The following MFSD12 variants were observed in gnomAD, a reference collection of about 807,000 sequenced individuals.
The protein encoded by MFSD12 is major facilitator superfamily domain-containing protein 12.
MFSD12 carries 67 observed loss-of-function variants against 51.2 expected under a neutral mutation model. The ratio of observed to expected loss-of-function variants is 1.31; its 90% CI spans 1.08 to 1.60. MFSD12 has a LOEUF of 1.60. Among genes scored for constraint, MFSD12 ranks in the 40% most tolerant of loss-of-function variants. The probability of loss-of-function intolerance (pLI) is 0.00; values close to 1 mark genes in which losing one functional copy is unlikely to be tolerated. For missense variants in MFSD12, 921 were observed against 673.0 expected, an observed-to-expected ratio of 1.37 and a Z score of -4.08; for synonymous variants, 441 against 316.7, an observed-to-expected ratio of 1.39 and a Z score of -4.17.
chr19:3,543,672 A>C, downstream of MFSD12: 2 of 1,538,452 alleles, frequency 1.3e-6, no homozygotes, highest in Non-Finnish European at 8.8e-7. Context: ...ATCCGGGGCA[A>C]GGAATACGGT....
rs1293915494 is a variant in MFSD12 at position 3,548,262 on chromosome 19, G to A, written c.515C>T (p.Ala172Val). The A allele has an allele frequency of 3.9e-6, 6 of 1,548,482 alleles. No individual in the cohort carries two copies. Among genetic ancestry groups the A allele is most frequent in the South Asian group, 2.4e-5 (2 of 84,206 alleles). Residue 172 changes from alanine to valine, a missense_variant, in exon 3 of 10, where the codon GCG (alanine) becomes GTG (valine). Transcript: ENST00000355415. ...GGTGATGTTGGCCACCACGGTGAAC[G>A]CATACCTGGCGGGCAGGCGGGCAGG... Reference protein sequence around the residue: ...EKVELTALRYAFTVVANITVY... With the variant: ...EKVELTALRYVFTVVANITVY...
intron 2 of MFSD12, among the ~76,000 whole-genome samples, chr19:3,549,231 G>C (rs1383413873): frequency 6.6e-6 from 1 of 152,186 alleles, no homozygotes; most frequent in Non-Finnish European, 1.5e-5. Context: ...GCTGTACCCA[G>C]GTGTAATAGA....
chr19:3,547,629 G>T, intron 4 of MFSD12, 82 bp from the exon 5 acceptor site: 1 of 1,343,516 alleles, frequency 7.4e-7, no homozygotes. Flanking sequence ...CGGGGCCAGG[G>T]TGGGCGCCCT....
chr19:3,546,457 C>A, intron 6 of MFSD12, 32 bp from the exon 7 acceptor site: 2 of 1,576,702 alleles, frequency 1.3e-6, no homozygotes, highest in South Asian at 1.2e-5. Context: ...CAGGCCCACA[C>A]CACTGGGTGC....
At position 3,553,096 on chromosome 19, in the gene MFSD12, G is replaced by A. The variant is rs550458729; in HGVS notation, c.299-1902C>T. Among the ~76,000 whole-genome samples the A allele has an allele frequency of 5.9e-5, 9 of 152,272 alleles. No individual in the cohort carries two copies. The East Asian group carries it at 1.7e-3, about 29-fold the overall frequency. ...ACCAGCCTCTCCTGCTGGTTTCTCT[G>A]GAACTAGGGCCTGGGAGGGTTTGCG... On this transcript the variant is annotated intron_variant, in intron 1 of 9. Coordinates refer to ENST00000355415, the MANE Select transcript of MFSD12 (RefSeq NM_174983.5).
downstream of MFSD12, chr19:3,542,962 C>G (rs770942219): frequency 6.5e-7 from 1 of 1,531,816 alleles, no homozygotes; most frequent in South Asian, 1.1e-5. Flanking sequence ...CCTCCCTCTT[C>G]TCCAGGCAAG....
intron 1 of MFSD12, among the ~76,000 whole-genome samples, chr19:3,552,258 C>T (rs1260134121): frequency 6.6e-6 from 1 of 151,840 alleles, no homozygotes; most frequent in Admixed American, 6.6e-5. Flanking sequence ...ACCTCCGCCC[C>T]CTGGATTCAA....
intron 1 of MFSD12, among the ~76,000 whole-genome samples, chr19:3,552,687 G>T (rs553686676): frequency 6.6e-6 from 1 of 151,840 alleles, no homozygotes; most frequent in Non-Finnish European, 1.5e-5. Context: ...GTTTCACCAC[G>T]TTGGCCAGGC....
chr19:3,544,762 A>G, intron 9 of MFSD12, 30 bp from the exon 10 acceptor site: 11 of 1,208,840 alleles, frequency 9.1e-6, no homozygotes, highest in East Asian at 7.8e-5. Flanking sequence ...ATGGCATTAG[A>G]GAGTGTGGGT....
chr19:3,544,430 C>A lies in MFSD12; in HGVS notation c.*280G>T. ...CCCCCAGACCCTTCTGGGATTCCTACTTCCTGTTCCCTGCCGAGAGGGGCA... is the reference window on the plus strand; with the variant it reads ...CCCCCAGACCCTTCTGGGATTCCTAATTCCTGTTCCCTGCCGAGAGGGGCA... On this transcript the variant is annotated 3_prime_UTR_variant, in exon 10 of 10. Transcript: ENST00000355415. The A allele has an allele frequency of 2.3e-6, 3 of 1,331,790 alleles. No individual in the cohort carries two copies. Among genetic ancestry groups the A allele is most frequent in the Non-Finnish European group, 2.9e-6 (3 of 1,043,214 alleles). 82.5% of individuals were successfully genotyped at this position (1,331,790 alleles called of 1,614,324 possible).
Position 3,546,148 on chromosome 19 carries a change from G to T in MFSD12, c.1215C>A (p.Tyr405Ter). 1 of 1,613,150 alleles carries T rather than the reference G, an allele frequency of 6.2e-7. No individual in the cohort carries two copies. Among genetic ancestry groups the T allele is most frequent in the East Asian group, 2.2e-5 (1 of 44,886 alleles). Residue 405 changes from tyrosine to a stop codon, truncating the protein, a stop_gained, in exon 8 of 10, where the codon TAC becomes TAA. Transcript: ENST00000355415. LOFTEE classifies it high-confidence loss of function. ...CCTTATCCAAGAAGCTCATGGAGCC[G>T]TACACGAACGCTCCGCTGTTCTGTG... is the stretch of plus-strand genomic sequence containing the variant. ...GPHTNSGAFV[Y>*]GSMSFLDKVA...
chr19:3,545,572 G>A (rs190951735), intron 8 of MFSD12, among the ~76,000 whole-genome samples: 47 of 152,322 alleles, frequency 3.1e-4, no homozygotes, highest in Non-Finnish European at 2.9e-5. Context: ...AGCCCTCCCT[G>A]GCTTCCTGCC....
chr19:3,548,117 G>A lies in MFSD12; in HGVS notation c.654+6C>T. The stretch of plus-strand genomic sequence containing the variant: ...CTTCAGGCGACCCACCCGGACTCCA[G>A]CTCACCCGGAACACGGGCACGTCCT... On this transcript the variant is annotated splice_donor_region_variant and intron_variant, in intron 3 of 9. Coordinates refer to ENST00000355415, the MANE Select transcript of MFSD12 (RefSeq NM_174983.5). The A allele has an allele frequency of 6.2e-7, 1 of 1,605,920 alleles. No homozygotes were observed. Among genetic ancestry groups the A allele is most frequent in the Non-Finnish European group, 8.5e-7 (1 of 1,178,938 alleles).
intron 4 of MFSD12, 120 bp from the exon 5 acceptor site, chr19:3,547,667 G>A (rs2031186484): frequency 9.4e-6 from 11 of 1,175,168 alleles, no homozygotes; most frequent in Non-Finnish European, 1.3e-5. Flanking sequence ...CATTGGTAGT[G>A]ACTGCCCAGT....
chr19:3,543,445 C>T, downstream of MFSD12: 1 of 1,544,426 alleles, frequency 6.5e-7, no homozygotes, highest in Non-Finnish European at 8.7e-7. Flanking sequence ...ACAGCTGCTA[C>T]CAACACCGTG....
chr19:3,553,870 T>TC (rs1201865340), intron 1 of MFSD12, among the ~76,000 whole-genome samples: 1 of 149,498 alleles, frequency 6.7e-6, no homozygotes, highest in Non-Finnish European at 1.5e-5. Flanking sequence ...TCACCTGAGG[T>TC]CAGGAGTTCG....
At chr19:3,542,959 C>T (rs1319011378), downstream of MFSD12, 1 of 1,525,044 alleles carries the variant, frequency 6.6e-7, no homozygotes, top group African/African-American at 1.4e-5. Flanking sequence ...TCCCCTCCCT[C>T]TTCTCCAGGC....
intron 2 of MFSD12, among the ~76,000 whole-genome samples, chr19:3,549,818 G>A (rs961431917): frequency 2.6e-5 from 4 of 151,614 alleles, no homozygotes; most frequent in Non-Finnish European, 4.4e-5. Context: ...GAGGTCAGGC[G>A]TTCAAGACCA....
rs146449422 is a variant in MFSD12 at position 3,550,942 on chromosome 19, G to C, written c.509+42C>G. Reference sequence around the variant, plus strand: ...GTGCCACTGACTGATACACCGAGCCGGGGCCCACCCTGCCCGTGGGGGAGG... The same window carrying C: ...GTGCCACTGACTGATACACCGAGCCCGGGCCCACCCTGCCCGTGGGGGAGG... On this transcript the variant is annotated intron_variant, in intron 2 of 9. Transcript: ENST00000355415. 9.6e-6 allele frequency: 15 copies of C among 1,568,820 alleles called. No individual in the cohort carries two copies. The South Asian group carries it at 1.4e-4, about 14-fold the overall frequency.
Sources: allele counts gnomAD v4.1 joint callset (sites outside exome capture counted in the v4.1 genomes callset), GRCh38; gene constraint gnomAD v4.1.1; transcripts MANE v1.5; gene names NCBI Gene and HGNC (gene_info 2026-07-23, HGNC 2026-07-21).